MS4A4E: variants seen among roughly 807,000 people sequenced by gnomAD.
The protein encoded by MS4A4E is putative membrane-spanning 4-domains subfamily A member 4E.
MS4A4E carries 23 observed loss-of-function variants against 13.3 expected under a neutral mutation model. The observed-to-expected ratio is 1.73, with a 90% CI of 1.25 to 2.45. The LOEUF (loss-of-function observed/expected upper bound fraction) is 2.45. Among genes scored for constraint, MS4A4E ranks in the 30% most tolerant of loss-of-function variants. MS4A4E has a pLI of 0.00. For missense variants in MS4A4E, 144 were observed against 131.2 expected (o/e 1.10, Z -0.48); for synonymous variants, 36 against 45.6 (o/e 0.79, Z 0.85).
chr11:60,227,269 T>C (rs1189302466), intron 3 of MS4A4E, among the ~76,000 whole-genome samples: 1 of 152,112 alleles, frequency 6.6e-6, no homozygotes, highest in Non-Finnish European at 1.5e-5. Context: ...TATTAGCAAA[T>C]GGCCGGGCGT....
chr11:60,201,743 C>A lies in MS4A4E; in HGVS notation c.796G>T (p.Val266Phe), dbSNP rs373361940. 88 of 230,382 alleles carry A rather than the reference C, an allele frequency of 3.8e-4. 2 individuals carry two copies. The East Asian group carries it at 0.011, about 28-fold the overall frequency. The allele number at this position is 230,382 out of a possible 1,614,324, so 14.3% of individuals were successfully genotyped here. ...GCAGAGACGCTCCTCACTTCCCAGA[C>A]GGGGTGGCGGCCGGGCAGAGGCTGC... ...RVQPLPGRHP[V>F]WEVRSVSAWP... Residue 266 changes from valine to phenylalanine, a missense_variant, in exon 9 of 9, where the codon GTC becomes TTC. By Grantham distance (50) the Val-to-Phe change is conservative (BLOSUM62 -1). Transcript: ENST00000651255.
chr11:60,225,277 TCA>T (rs1161101158), intron 3 of MS4A4E, among the ~76,000 whole-genome samples: 1 of 152,208 alleles, frequency 6.6e-6, no homozygotes, highest in Non-Finnish European at 1.5e-5. Context: ...ATATTATCTC[TCA>T]GCATCTCTAC....
rs373196401 is a variant in MS4A4E at position 60,206,489 on chromosome 11, G to GTATATATATATGTATA, written c.484-670_484-669insTATACATATATATATA. 4.3e-4 allele frequency among the ~76,000 whole-genome samples: 42 copies of GTATATATATATGTATA among 97,568 alleles called. 1 individual carries two copies. Among genetic ancestry groups the GTATATATATATGTATA allele is most frequent in the African/African-American group, 1.9e-3 (42 of 22,176 alleles). 64.0% of individuals were successfully genotyped at this position (97,568 alleles called of 152,430 possible). On this transcript the variant is annotated intron_variant, in intron 6 of 8. Coordinates refer to ENST00000651255, the MANE Select transcript of MS4A4E (RefSeq NM_001393391.1). ...CACACACACACATATATATATATAT[G>GTATATATATATGTATA]TATATATATACGTATATATATATAC...
At chr11:60,238,437 A>G (rs1050070718) in intron 1 of MS4A4E, among the ~76,000 whole-genome samples, 1 of 151,986 alleles carries the variant, frequency 6.6e-6, no homozygotes, top group East Asian at 1.9e-4. Flanking sequence ...ACCATTTCAT[A>G]TGTTATCTGA....
At chr11:60,213,544 C>A (rs1003739218) in intron 4 of MS4A4E, among the ~76,000 whole-genome samples, 1 of 152,030 alleles carries the variant, frequency 6.6e-6, no homozygotes, top group African/African-American at 2.4e-5. Context: ...TGTACTTTCT[C>A]TTCTCATGGG....
rs138198667 is a variant in MS4A4E at position 60,215,716 on chromosome 11, A to G, written c.179-1102T>C. On this transcript the variant is annotated intron_variant, in intron 3 of 8. Transcript: ENST00000651255. The stretch of plus-strand genomic sequence containing the variant: ...TTGGGGTATATTAACCAAAATAATT[A>G]TATAAGAAAAATAGTTGAAACAAAT... Among the ~76,000 whole-genome samples, 20 of 152,130 alleles carry G rather than the reference A, an allele frequency of 1.3e-4. No individual in the cohort carries two copies. In the East Asian group the frequency reaches 3.9e-3, roughly 29 times the overall value.
intron 1 of MS4A4E, among the ~76,000 whole-genome samples, chr11:60,238,126 T>C (rs2084506991): frequency 6.6e-6 from 1 of 151,730 alleles, no homozygotes; most frequent in Non-Finnish European, 1.5e-5. Flanking sequence ...GAGACATTCA[T>C]ATGTAGTTTT....
intron 3 of MS4A4E, among the ~76,000 whole-genome samples, chr11:60,228,076 T>A (rs1208294052): frequency 6.6e-6 from 1 of 152,112 alleles, no homozygotes; most frequent in Non-Finnish European, 1.5e-5. Flanking sequence ...GCACAACCCA[T>A]GAAATACCGA....
At chr11:60,234,782 C>A (rs902972000) in intron 1 of MS4A4E, among the ~76,000 whole-genome samples, 1 of 120,234 alleles carries the variant, frequency 8.3e-6, no homozygotes, top group African/African-American at 3.0e-5. Flanking sequence ...AAACAACCCC[C>A]CCCCCCAAAA....
At chr11:60,207,176 A>G (rs1590703903) in intron 6 of MS4A4E, among the ~76,000 whole-genome samples, 1 of 152,226 alleles carries the variant, frequency 6.6e-6, no homozygotes, top group Middle Eastern at 3.4e-3. Context: ...AAACTAAGAA[A>G]AGTTCTGGTT....
At chr11:60,232,434 G>A (rs993472376) in intron 1 of MS4A4E, among the ~76,000 whole-genome samples, 11 of 152,200 alleles carry the variant, frequency 7.2e-5, no homozygotes, top group African/African-American at 2.4e-4. Context: ...AATGGCTGCA[G>A]GAAGAAGGAG....
chr11:60,213,056 A>G lies in MS4A4E; in HGVS notation c.299T>C (p.Leu100Ser). The change falls in exon 5 of 9, where the codon TTG (leucine) becomes TCG (serine). Residue 100 changes from leucine (L) to serine (S), a missense_variant. Transcript: ENST00000651255. ...ATGGTAACGGAATGAATAAAACGTC[A>G]AGCTTATTGCATTGATTAAGATCCC... ...ISGILINAIS[L>S]TFYSFRYHYC... is the part of the protein sequence containing the mutation. 1 of 482,130 alleles carries G rather than the reference A, an allele frequency of 2.1e-6. No individual in the cohort carries two copies. The highest frequency in any genetic ancestry group is 3.3e-5 in the East Asian group (1 of 29,920). The allele number at this position is 482,130 out of a possible 1,614,324, so 29.9% of individuals were successfully genotyped here. A position where few individuals can be genotyped will look rare whatever the true frequency, so the allele number is the denominator to read the frequency against.
At chr11:60,207,750 C>T (rs2084066113) in intron 6 of MS4A4E, among the ~76,000 whole-genome samples, 1 of 152,150 alleles carries the variant, frequency 6.6e-6, no homozygotes, top group Non-Finnish European at 1.5e-5. Context: ...TATCCCACCC[C>T]ATTATTCTTA....
In MS4A4E at chr11:60,201,572, T is replaced by C. The variant is rs1256205326; in HGVS notation, c.967A>G (p.Ser323Gly). The C allele has an allele frequency of 6.3e-6, 2 of 316,542 alleles. No homozygotes were observed. The highest frequency in any genetic ancestry group is 1.3e-5 in the Non-Finnish European group (2 of 158,390). The allele number at this position is 316,542 out of a possible 1,614,324, so 19.6% of individuals were successfully genotyped here. Reference protein sequence around the residue: ...PGHHPIWEVRSVSARPPIF With the variant: ...PGHHPIWEVRGVSARPPIF Reference sequence around the variant, plus strand: ...AAGATGGGCGGCCGGGCGGAGACACTCCTCACCTCCCAGATGGGATGGTGG... The same window carrying C: ...AAGATGGGCGGCCGGGCGGAGACACCCCTCACCTCCCAGATGGGATGGTGG... Residue 323 changes from serine to glycine, a missense_variant, in exon 9 of 9, where the codon AGT becomes GGT. By Grantham distance (56) the Ser-to-Gly change is moderately conservative (BLOSUM62 0). This residue lies in a region of MS4A4E where 21 missense variants were observed against 25.1 expected (regional missense o/e 0.84). Transcript: ENST00000651255.
At chr11:60,229,649 G>T (rs534976822) in intron 2 of MS4A4E, among the ~76,000 whole-genome samples, 1 of 152,240 alleles carries the variant, frequency 6.6e-6, no homozygotes, top group African/African-American at 2.4e-5. Flanking sequence ...CTTCTATATT[G>T]AAGTTAAATA....
intron 7 of MS4A4E, among the ~76,000 whole-genome samples, 124 bp downstream of exon 7, chr11:60,205,590 A>G (rs991004889): frequency 6.6e-5 from 10 of 152,224 alleles, no homozygotes; most frequent in African/African-American, 2.4e-4. Context: ...ATTTTGCTGA[A>G]GAGAAATATG....
At chr11:60,239,963 C>A (rs1008787407) in intron 1 of MS4A4E, among the ~76,000 whole-genome samples, 4 of 152,228 alleles carry the variant, frequency 2.6e-5, no homozygotes, top group African/African-American at 9.6e-5. Flanking sequence ...ATAATTTGAT[C>A]ATTTATCAAA....
At position 60,240,877 on chromosome 11, in the gene MS4A4E, A is replaced by C. The variant is rs180914008; in HGVS notation, c.-17+2081T>G. On this transcript the variant is annotated intron_variant, in intron 1 of 8. Coordinates refer to ENST00000651255, the MANE Select transcript of MS4A4E (RefSeq NM_001393391.1). Reference sequence around the variant, plus strand: ...CCATTTCCCGCATGTGGATTACTCAACCTCTAGTGGTAACTAAGGATTTAA... The same window carrying C: ...CCATTTCCCGCATGTGGATTACTCACCCTCTAGTGGTAACTAAGGATTTAA... 2.2e-3 allele frequency among the ~76,000 whole-genome samples: 341 copies of C among 152,118 alleles called. 4 individuals are homozygous for C. The highest frequency in any genetic ancestry group is 7.3e-3 in the African/African-American group (305 of 41,498).
rs533477766 is a variant in MS4A4E at position 60,201,610 on chromosome 11, G to A, written c.929C>T (p.Ala310Val). Reference sequence around the variant, plus strand: ...GATGGGATGGTGGCCGGGAAGAGGCGCTCCCCACTTCCTAGATGGGATGGC... The same window carrying A: ...GATGGGATGGTGGCCGGGAAGAGGCACTCCCCACTTCCTAGATGGGATGGC... ...PAAIPSRKWGAPLPGHHPIWE... is the reference protein window; with the variant it reads ...PAAIPSRKWGVPLPGHHPIWE... The change falls in exon 9 of 9, where the codon GCG becomes GTG. Residue 310 changes from alanine to valine, a missense_variant. Physicochemically the swap from Ala to Val is moderately conservative, Grantham distance 64. Transcript: ENST00000651255. 9 of 315,090 alleles carry A rather than the reference G, an allele frequency of 2.9e-5. No individual in the cohort carries two copies. The highest frequency in any genetic ancestry group is 4.5e-5 in the South Asian group (2 of 44,166). The allele number at this position is 315,090 out of a possible 1,614,324, so 19.5% of individuals were successfully genotyped here.
Sources: allele counts gnomAD v4.1 joint callset (sites outside exome capture counted in the v4.1 genomes callset), GRCh38; gene constraint gnomAD v4.1.1; regional missense constraint gnomAD v4.1.1; transcripts MANE v1.5; gene names NCBI Gene and HGNC (gene_info 2026-07-23, HGNC 2026-07-21).